KRT15: variants seen among roughly 807,000 people sequenced by gnomAD.
KRT15 encodes keratin 15, also known as keratin, type I cytoskeletal 15.
In KRT15, 45 loss-of-function variants were observed where a neutral mutation model predicts 46.6. The ratio of observed to expected loss-of-function variants is 0.97; its 90% confidence interval spans 0.76 to 1.24. The LOEUF (loss-of-function observed/expected upper bound fraction) is 1.24. Ranked by LOEUF, KRT15 falls within the 50% of genes most tolerant of loss-of-function variation. KRT15 has a pLI of 0.00. For synonymous variants in KRT15, 221 were observed against 233.8 expected, an observed-to-expected ratio of 0.95 and a Z score of 0.50; for missense variants, 592 against 588.9, an observed-to-expected ratio of 1.01 and a Z score of -0.05.
At chr17:41,515,074 C>T (rs559259417) in intron 6 of KRT15, 2 of 289,912 alleles carry the variant, frequency 6.9e-6, no homozygotes, top group Non-Finnish European at 1.3e-5. Context: ...ACCATATTGG[C>T]CATGCTGGTC....
Position 41,516,233 on chromosome 17 carries a change from G to A in KRT15, c.771C>T (p.Gly257=). ...CTGCGTCCATCTCCACATTGACCTG[G>A]CCGGCCAGCTGGCTGCTGAACTCCT... The part of the protein sequence containing the change: ...EMKEFSSQLA[G]QVNVEMDAAP... The change falls in exon 4 of 8, where the codon GGC becomes GGT. Residue 257 remains glycine (G), a synonymous_variant. Transcript: ENST00000254043. 1 of 1,613,960 alleles carries A rather than the reference G, an allele frequency of 6.2e-7. No individual in the cohort carries two copies. The highest frequency in any genetic ancestry group is 8.5e-7 in the Non-Finnish European group (1 of 1,179,980).
rs1198002851 is a variant in KRT15, at chr17:41,516,887, G to C, written c.659C>G (p.Thr220Ser). 1 of 1,614,202 alleles carries C rather than the reference G, an allele frequency of 6.2e-7. No individual in the cohort carries two copies. The highest frequency in any genetic ancestry group is 2.2e-5 in the East Asian group (1 of 44,876). The change falls in exon 3 of 8, where the codon ACC becomes AGC. Residue 220 changes from threonine (T) to serine (S), a missense_variant. By Grantham distance (58) the Thr-to-Ser change is moderately conservative (BLOSUM62 1). Coordinates refer to ENST00000254043, the MANE Select transcript of KRT15 (RefSeq NM_002275.4). ...NGLRRVLDEL[T>S]LARTDLEMQI... is the part of the protein sequence containing the mutation. ...CATCTCCAGGTCAGTCCTGGCCAGG[G>C]TCAGCTCATCCAGGACTCGGCGCAA... is the stretch of plus-strand genomic sequence containing the variant.
chr17:41,517,312 T>C, intron 1 of KRT15, 147 bp from the exon 2 acceptor site: 1 of 675,276 alleles, frequency 1.5e-6, no homozygotes, highest in Non-Finnish European at 2.5e-6. Flanking sequence ...GTACGGCTTC[T>C]GGGGTGGGCA....
chr17:41,514,784 AC>A, intron 6 of KRT15, 110 bp from the exon 7 acceptor site: 1 of 1,104,282 alleles, frequency 9.1e-7, no homozygotes, highest in Non-Finnish European at 1.3e-6. Flanking sequence ...CACCACCACC[AC>A]CCACACATCT....
rs750488339 is a variant in KRT15 at position 41,514,677 on chromosome 17, G to A, written c.1248-3C>T. ...CCCTGATGGCAATGCCAGCCATCCT[G>A]AAAGAAAGAGGGAAGCTGATTTAAG... On this transcript the variant is annotated splice_polypyrimidine_tract_variant and splice_region_variant and intron_variant, in intron 6 of 7. Transcript: ENST00000254043. 1 of 1,613,386 alleles carries A rather than the reference G, an allele frequency of 6.2e-7. No individual in the cohort carries two copies.
intron 1 of KRT15, among the ~76,000 whole-genome samples, chr17:41,517,995 A>C (rs572610204): frequency 6.6e-6 from 1 of 152,222 alleles, no homozygotes; most frequent in Non-Finnish European, 1.5e-5. Context: ...CCTGGACACG[A>C]GCAATCCTAT....
intron 3 of KRT15, 71 bp from the exon 4 acceptor site, chr17:41,516,336 G>T: frequency 6.7e-7 from 1 of 1,503,320 alleles, no homozygotes; most frequent in Non-Finnish European, 9.0e-7. Flanking sequence ...CGTCACACAT[G>T]CCAATCCTGG....
At position 41,518,772 on chromosome 17, in the gene KRT15, C is replaced by T. The variant is rs1466393767; in HGVS notation, c.56G>A (p.Arg19Gln). 6.4e-7 allele frequency: 1 copy of T among 1,572,200 alleles called. No homozygotes were observed. Among genetic ancestry groups the T allele is most frequent in the Non-Finnish European group, 8.6e-7 (1 of 1,163,040 alleles). Residue 19 changes from arginine to glutamine, a missense_variant, in exon 1 of 8, where the codon CGA becomes CAA. Arg to Gln is a conservative substitution (Grantham distance 43, BLOSUM62 1). Transcript: ENST00000254043. Reference protein sequence around the residue: ...SSSTFGGGSTRGGSLLAGGGG... With the variant: ...SSSTFGGGSTQGGSLLAGGGG... ...TCCCCCAGCCAGGAGGGAACCCCCT[C>T]GGGTTGAGCCACCCCCAAAGGTGGA...
Position 41,516,314 on chromosome 17 carries a change from C to G in KRT15, c.739-49G>C, listed in dbSNP as rs779885042. On this transcript the variant is annotated intron_variant, in intron 3 of 7. Coordinates refer to ENST00000254043, the MANE Select transcript of KRT15 (RefSeq NM_002275.4). ...TAGAGACGGAGAGCAGAAGAGAGAC[C>G]TGAGAGTCTGGCGTCACACATGCCA... 14 of 1,570,940 alleles carry G rather than the reference C, an allele frequency of 8.9e-6. No individual in the cohort carries two copies. The South Asian group carries it at 1.5e-4, about 17-fold the overall frequency.
Position 41,515,873 on chromosome 17 carries a change from G to A in KRT15, c.1026+12C>T, listed in dbSNP as rs200702391. 6.3e-5 allele frequency: 102 copies of A among 1,613,930 alleles called. No homozygotes were observed. The highest frequency in any genetic ancestry group is 6.0e-4 in the African/African-American group (45 of 75,038). Reference sequence around the variant, plus strand: ...CACCCGAGAGGCTGGGATGGGGCGCGAGTGGCCGTACCATGCTGAGCTGGG... The same window carrying A: ...CACCCGAGAGGCTGGGATGGGGCGCAAGTGGCCGTACCATGCTGAGCTGGG... On this transcript the variant is annotated intron_variant, in intron 5 of 7. Coordinates refer to ENST00000254043, the MANE Select transcript of KRT15 (RefSeq NM_002275.4).
Position 41,516,268 on chromosome 17 carries a change from G to A in KRT15, c.739-3C>T. The A allele has an allele frequency of 1.2e-6, 2 of 1,612,078 alleles. No individual in the cohort carries two copies. The highest frequency in any genetic ancestry group is 1.7e-6 in the Non-Finnish European group (2 of 1,179,102). ...TGGCTGCTGAACTCCTTCATCTCCT[G>A]CAGGATGGGAGGGACCCACTTAGAG... On this transcript the variant is annotated splice_region_variant and splice_polypyrimidine_tract_variant and intron_variant, in intron 3 of 7. Coordinates refer to ENST00000254043, the MANE Select transcript of KRT15 (RefSeq NM_002275.4).
rs748245980 is a variant in KRT15 at position 41,518,610 on chromosome 17, G to C, written c.218C>G (p.Ala73Gly). The change falls in exon 1 of 8, where the codon GCT (alanine) becomes GGT (glycine). Residue 73 changes from alanine to glycine, a missense_variant. Coordinates refer to ENST00000254043, the MANE Select transcript of KRT15 (RefSeq NM_002275.4). Reference sequence around the variant, plus strand: ...AAAGCCTCCACCGAAAACACTACCAGCCCCTCCACCAAAGCCACAGACCCT... The same window carrying C: ...AAAGCCTCCACCGAAAACACTACCACCCCCTCCACCAAAGCCACAGACCCT... ...GMRVCGFGGG[A>G]GSVFGGGFGG... 1.2e-6 allele frequency: 2 copies of C among 1,604,492 alleles called. No individual in the cohort carries two copies. Among genetic ancestry groups the C allele is most frequent in the South Asian group, 2.2e-5 (2 of 90,668 alleles).
chr17:41,517,656 T>C (rs1040188857), intron 1 of KRT15: 1 of 180,834 alleles, frequency 5.5e-6, no homozygotes, highest in Admixed American at 5.3e-5. Context: ...AACCCAGTCT[T>C]AGGGAGTAAA....
At chr17:41,515,010 G>T (rs1042700223) in intron 6 of KRT15, 1 of 291,718 alleles carries the variant, frequency 3.4e-6, no homozygotes, top group Non-Finnish European at 6.5e-6. Context: ...GGGATTACAG[G>T]CACCCGCCAC....
intron 1 of KRT15, 48 bp downstream of exon 1, chr17:41,518,282 C>T (rs1361186642): frequency 6.4e-7 from 1 of 1,572,506 alleles, no homozygotes. Flanking sequence ...GAGCTGTGTA[C>T]AGGGTACCAG....
In KRT15 at chr17:41,514,108, C is replaced by A. The variant is rs1289151818; in HGVS notation, c.1286G>T (p.Gly429Val). ...GTGGAAATTGCTGCTGCTACCACCACCTCCTGAAGAGGCTAGAGAGAGAAG... is the reference window on the plus strand; with the variant it reads ...GTGGAAATTGCTGCTGCTACCACCAACTCCTGAAGAGGCTAGAGAGAGAAG... ...GIAIREASSG[G>V]GGSSSNFHIN... Residue 429 changes from glycine to valine, a missense_variant, in exon 8 of 8, where the codon GGT becomes GTT. Transcript: ENST00000254043. 2 of 1,613,872 alleles carry A rather than the reference C, an allele frequency of 1.2e-6. No homozygotes were observed. Among genetic ancestry groups the A allele is most frequent in the Non-Finnish European group, 1.7e-6 (2 of 1,179,738 alleles).
At position 41,517,154 on chromosome 17, in the gene KRT15, G is replaced by T; in HGVS notation, c.510C>A (p.Thr170=). ...IEELRDKIMA[T]TIDNSRVILE... Reference sequence around the variant, plus strand: ...GGATGACCCGGGAGTTGTCGATGGTGGTGGCCATGATCTGCAGGAGACAGA... The same window carrying T: ...GGATGACCCGGGAGTTGTCGATGGTTGTGGCCATGATCTGCAGGAGACAGA... Residue 170 remains threonine, a synonymous_variant, in exon 2 of 8, where the codon ACC becomes ACA. Transcript: ENST00000254043. The T allele has an allele frequency of 6.2e-7, 1 of 1,614,102 alleles. No individual in the cohort carries two copies. The highest frequency in any genetic ancestry group is 2.2e-5 in the East Asian group (1 of 44,886).
At chr17:41,514,510 G>A in intron 7 of KRT15, 139 bp downstream of exon 7, 1 of 751,586 alleles carries the variant, frequency 1.3e-6, no homozygotes. Context: ...TCCCACTGGG[G>A]AAGAGGCATC....
Position 41,518,319 on chromosome 17 carries a change from C to G in KRT15, c.498+11G>C, listed in dbSNP as rs932737624. ...CACCTGCTCCCCTCTCTTTGACATCCGAGGACTCACCTTGTCCCGGAGCTC... is the reference window on the plus strand; with the variant it reads ...CACCTGCTCCCCTCTCTTTGACATCGGAGGACTCACCTTGTCCCGGAGCTC... On this transcript the variant is annotated intron_variant, in intron 1 of 7. Coordinates refer to ENST00000254043, the MANE Select transcript of KRT15 (RefSeq NM_002275.4). 18 of 1,605,488 alleles carry G rather than the reference C, an allele frequency of 1.1e-5. No individual in the cohort carries two copies. Among genetic ancestry groups the G allele is most frequent in the Non-Finnish European group, 1.4e-5 (17 of 1,174,256 alleles).
Sources: gnomAD v4.1 joint callset for allele counts (sites outside exome capture counted in the v4.1 genomes callset) on GRCh38, gnomAD v4.1.1 for gene constraint, MANE v1.5 for transcripts, NCBI Gene and HGNC (gene_info 2026-07-23, HGNC 2026-07-21) for gene names.